Variants in AP3S1 observed in about 807,000 individuals in gnomAD.
AP3S1 encodes the protein AP-3 complex subunit sigma-1.
A neutral mutation model predicts 21.3 loss-of-function variants in AP3S1; 12 were observed. That is an observed-to-expected ratio of 0.56 (90% CI 0.36 to 0.91). AP3S1 has a LOEUF of 0.91. AP3S1 is among the 40% of genes least tolerant of loss of function. AP3S1 has a pLI of 0.01. For synonymous variants in AP3S1, 48 were observed against 78.4 expected (o/e 0.61, Z 2.05); for missense variants, 116 against 225.0 (o/e 0.52, Z 3.10).
At chr5:115,883,194 C>T (rs1749463966) in intron 3 of AP3S1, among the ~76,000 whole-genome samples, 1 of 152,190 alleles carries the variant, frequency 6.6e-6, no homozygotes, top group Non-Finnish European at 1.5e-5. Context: ...GCTTCAGCCC[C>T]CTTTCCAGGG....
At chr5:115,883,081 C>G (rs1284648891) in intron 3 of AP3S1, among the ~76,000 whole-genome samples, 5 of 152,218 alleles carry the variant, frequency 3.3e-5, no homozygotes, top group African/African-American at 1.2e-4. Context: ...AGGTTGACTT[C>G]AGACTGCTGT....
At chr5:115,905,223 T>C (rs1182370868) in intron 5 of AP3S1, among the ~76,000 whole-genome samples, 1 of 152,230 alleles carries the variant, frequency 6.6e-6, no homozygotes, top group Non-Finnish European at 1.5e-5. Flanking sequence ...TTTTTGATTG[T>C]TGAATAAAAC....
rs757919211 is a variant in AP3S1, at chr5:115,866,673, G to A, written c.73G>A (p.Glu25Lys). The part of the protein sequence containing the change: ...RLSKFYQPYS[E>K]DTQQQIIRET... ...TATATGAATTATTCTTCCTCAGAGT[G>A]AAGATACACAACAGCAAATCATCAG... Residue 25 changes from glutamate (E) to lysine (K), a missense_variant, in exon 2 of 6, where the codon GAA (glutamate) becomes AAA (lysine). Physicochemically the swap from Glu to Lys is moderately conservative, Grantham distance 56. Around this residue, in one of 3 missense-constraint regions of AP3S1, gnomAD observed 50 missense variants for 55.5 expected, o/e 0.90. Transcript: ENST00000316788. The A allele has an allele frequency of 1.9e-6, 3 of 1,590,336 alleles. No homozygotes were observed. The highest frequency in any genetic ancestry group is 2.6e-6 in the Non-Finnish European group (3 of 1,163,138).
intron 3 of AP3S1, among the ~76,000 whole-genome samples, chr5:115,873,556 G>T (rs1748457649): frequency 6.6e-6 from 1 of 152,148 alleles, no homozygotes; most frequent in Admixed American, 6.5e-5. Flanking sequence ...AAGTTCTGTG[G>T]TTGTGATCTT....
intron 1 of AP3S1, among the ~76,000 whole-genome samples, chr5:115,855,744 A>T (rs917637271): frequency 1.3e-5 from 2 of 152,280 alleles, no homozygotes; most frequent in Non-Finnish European, 2.9e-5. Context: ...GTATTAGATC[A>T]TAAGCTGTTT....
chr5:115,870,347 G>C (rs1280392335), intron 3 of AP3S1, among the ~76,000 whole-genome samples: 3 of 152,050 alleles, frequency 2.0e-5, no homozygotes, highest in Non-Finnish European at 4.4e-5. Flanking sequence ...ATTTTATCTT[G>C]CTCATGTAAG....
intron 3 of AP3S1, among the ~76,000 whole-genome samples, chr5:115,890,509 C>G (rs1198922816): frequency 1.3e-5 from 2 of 152,126 alleles, no homozygotes; most frequent in Admixed American, 1.3e-4. Context: ...TGATAAGTGA[C>G]TGATGGACTC....
chr5:115,905,037 G>C (rs1161806503), intron 5 of AP3S1, among the ~76,000 whole-genome samples: 1 of 152,118 alleles, frequency 6.6e-6, no homozygotes, highest in Non-Finnish European at 1.5e-5. Flanking sequence ...TATGCCTGGT[G>C]TTCCATTATT....
At chr5:115,858,169 T>C (rs1762925348) in intron 1 of AP3S1, among the ~76,000 whole-genome samples, 2 of 152,214 alleles carry the variant, frequency 1.3e-5, no homozygotes, top group African/African-American at 2.4e-5. Flanking sequence ...CTTTGTTTAC[T>C]ATCCTGCCAT....
At chr5:115,878,723 A>G (rs1213700704) in intron 3 of AP3S1, among the ~76,000 whole-genome samples, 2 of 152,080 alleles carry the variant, frequency 1.3e-5, no homozygotes, top group South Asian at 2.1e-4. Flanking sequence ...CTTTTTTGTA[A>G]TTCTGTGAAG....
At position 115,907,212 on chromosome 5, in the gene AP3S1, T is replaced by G. The variant is rs1207394646; in HGVS notation, c.453+4220T>G. 2.0e-5 allele frequency among the ~76,000 whole-genome samples: 3 copies of G among 152,236 alleles called. No homozygotes were observed. The East Asian group carries it at 5.8e-4, about 29-fold the overall frequency. ...AACGTAAAATTTATTTTGAGCATCA[T>G]ATAGCAGAACCAATCTTAATTTAAC... On this transcript the variant is annotated intron_variant, in intron 5 of 5. Transcript: ENST00000316788.
At chr5:115,905,198 A>G (rs970598503) in intron 5 of AP3S1, among the ~76,000 whole-genome samples, 1 of 152,232 alleles carries the variant, frequency 6.6e-6, no homozygotes, top group African/African-American at 2.4e-5. Flanking sequence ...TAATTATTGC[A>G]TAATGGGTAT....
At chr5:115,896,077 A>C (rs891737568) in intron 4 of AP3S1, among the ~76,000 whole-genome samples, 1 of 152,140 alleles carries the variant, frequency 6.6e-6, no homozygotes, top group Non-Finnish European at 1.5e-5. Context: ...GAGTCTGAAA[A>C]TTTTAGCAAA....
At chr5:115,849,002 T>C (rs951311481) in intron 1 of AP3S1, among the ~76,000 whole-genome samples, 1 of 152,198 alleles carries the variant, frequency 6.6e-6, no homozygotes, top group Non-Finnish European at 1.5e-5. Context: ...CTTCTAGAGA[T>C]AGGCCTCTGG....
At chr5:115,864,760 G>C (rs899941529) in intron 1 of AP3S1, among the ~76,000 whole-genome samples, 1 of 152,190 alleles carries the variant, frequency 6.6e-6, no homozygotes, top group East Asian at 1.9e-4. Flanking sequence ...ATCTAAGAGC[G>C]CATAGCACAA....
At chr5:115,854,284 G>T (rs1762643953) in intron 1 of AP3S1, among the ~76,000 whole-genome samples, 1 of 152,102 alleles carries the variant, frequency 6.6e-6, no homozygotes, top group African/African-American at 2.4e-5. Flanking sequence ...AAAGCAGAAT[G>T]GTTGATGGTG....
chr5:115,895,769 A>C (rs1750708595), intron 4 of AP3S1, among the ~76,000 whole-genome samples: 1 of 152,208 alleles, frequency 6.6e-6, no homozygotes, highest in African/African-American at 2.4e-5. Flanking sequence ...ACACATGGAA[A>C]TCAATTAAGA....
At chr5:115,852,847 A>G in intron 1 of AP3S1, 1 of 296,680 alleles carries the variant, frequency 3.4e-6, no homozygotes, top group Non-Finnish European at 6.7e-6. Context: ...ATATATATAC[A>G]CTGTATCTTG....
intron 5 of AP3S1, among the ~76,000 whole-genome samples, chr5:115,905,263 TA>T (rs1751551677): frequency 6.6e-6 from 1 of 152,208 alleles, no homozygotes; most frequent in South Asian, 2.1e-4. Context: ...TTCTTATCTA[TA>T]AAGAGCAGTA....
Sources: gnomAD v4.1 joint callset for allele counts (sites outside exome capture counted in the v4.1 genomes callset) on GRCh38, gnomAD v4.1.1 for gene constraint, gnomAD v4.1.1 regional missense constraint, MANE v1.5 for transcripts, NCBI Gene and HGNC (gene_info 2026-07-23, HGNC 2026-07-21) for gene names.